LPCAT3: variants seen among roughly 807,000 people sequenced by gnomAD.
LPCAT3 encodes the protein lysophosphatidylcholine acyltransferase 3, also known as lysophospholipid acyltransferase 5.
Under a neutral mutation model 63.4 loss-of-function variants are expected in LPCAT3, and 21 were observed. That is an observed-to-expected ratio of 0.33 (90% CI 0.23 to 0.48). The LOEUF (loss-of-function observed/expected upper bound fraction) is 0.48. LPCAT3 is among the 20% of genes least tolerant of loss of function. The probability of loss-of-function intolerance (pLI) is 0.99; values close to 1 mark genes in which losing one functional copy is unlikely to be tolerated. For synonymous variants in LPCAT3, 242 were observed against 227.5 expected (o/e 1.06, Z -0.58); for missense variants, 451 against 590.6 (o/e 0.76, Z 2.45).
At position 6,987,779 on chromosome 12, in the gene LPCAT3, T is replaced by C. The variant is rs774506704; in HGVS notation, c.152-4240A>G. 6 of 400,686 alleles carry C rather than the reference T, an allele frequency of 1.5e-5. No homozygotes were observed. The highest frequency in any genetic ancestry group is 1.3e-4 in the Admixed American group (3 of 22,726). 24.8% of individuals were successfully genotyped at this position (400,686 alleles called of 1,614,324 possible). The stretch of plus-strand genomic sequence containing the variant: ...AAGTTGAATCTAATTTAACATTTTC[T>C]AGGTGTCTGGATCGTATCTATTCCA... On this transcript the variant is annotated intron_variant, in intron 1 of 12. Coordinates refer to ENST00000261407, the MANE Select transcript of LPCAT3 (RefSeq NM_005768.6). This position sits in a 1 kb window ranked among gnomAD's most constrained non-coding sequence, Gnocchi z 4.1.
intron 4 of LPCAT3, 74 bp from the exon 5 acceptor site, chr12:6,981,706 G>T: frequency 2.4e-6 from 3 of 1,261,004 alleles, no homozygotes; most frequent in Non-Finnish European, 3.4e-6. Context: ...ACTGAGTGCA[G>T]CCAGAAGTGT....
At chr12:7,006,462 G>A (rs370376573) in intron 1 of LPCAT3, among the ~76,000 whole-genome samples, 11 of 152,154 alleles carry the variant, frequency 7.2e-5, no homozygotes, top group East Asian at 1.9e-4. Flanking sequence ...CAAATGATCC[G>A]CCCACCTTGG....
chr12:6,978,903 G>C, intron 7 of LPCAT3: 1 of 620,476 alleles, frequency 1.6e-6, no homozygotes, highest in Admixed American at 3.2e-5. Flanking sequence ...CCCTTGGAGA[G>C]CCTCAAGGGC....
At chr12:7,001,270 G>T (rs949823257) in intron 1 of LPCAT3, among the ~76,000 whole-genome samples, 3 of 151,954 alleles carry the variant, frequency 2.0e-5, no homozygotes, top group Middle Eastern at 3.2e-3. Flanking sequence ...AGCTAGCAAC[G>T]TGCTCACATG....
intron 1 of LPCAT3, among the ~76,000 whole-genome samples, chr12:6,996,036 A>G (rs1167244587): frequency 6.6e-6 from 1 of 152,160 alleles, no homozygotes; most frequent in Non-Finnish European, 1.5e-5. Context: ...TCCTCTGCTC[A>G]AAGCCCTCTC....
At position 6,977,212 on chromosome 12, in the gene LPCAT3, T is replaced by C. The variant is rs781860896; in HGVS notation, c.1398A>G (p.Leu466=). 1 of 1,614,038 alleles carries C rather than the reference T, an allele frequency of 6.2e-7. No homozygotes were observed. The highest frequency in any genetic ancestry group is 1.1e-5 in the South Asian group (1 of 91,082). The part of the protein sequence containing the change: ...FLGHIFFLSL[L]FILPYIHKAM... ...CTTTGTGAATATAAGGCAATATGAA[T>C]AGTAGGCTCAGGAAGAAGATGTGGC... The change falls in exon 12 of 13, where the codon CTA becomes CTG. Residue 466 remains leucine (L), a synonymous_variant. Transcript: ENST00000261407. The surrounding 1 kb of genome is among the most constrained non-coding windows in gnomAD (Gnocchi z 4.5).
chr12:6,994,791 T>C (rs1946622994), intron 1 of LPCAT3, among the ~76,000 whole-genome samples: 1 of 152,218 alleles, frequency 6.6e-6, no homozygotes, highest in African/African-American at 2.4e-5. Context: ...ACTTCTGGCA[T>C]GGGTTGGCTG....
intron 1 of LPCAT3, among the ~76,000 whole-genome samples, chr12:6,996,077 C>A (rs1946633586): frequency 6.6e-6 from 1 of 152,180 alleles, no homozygotes; most frequent in South Asian, 2.1e-4. Flanking sequence ...GATCAAAAGG[C>A]TGATTGCCAG....
intron 1 of LPCAT3, among the ~76,000 whole-genome samples, chr12:6,985,210 T>C (rs1363933074): frequency 2.0e-5 from 3 of 146,774 alleles, no homozygotes; most frequent in African/African-American, 7.7e-5. Flanking sequence ...GCTAACACGG[T>C]GAAACCCCGT....
intron 1 of LPCAT3, chr12:7,001,417 T>C: frequency 2.2e-6 from 1 of 456,044 alleles, no homozygotes. Context: ...CCAACAAAAT[T>C]AGGCACATGC....
At chr12:6,996,509 A>T (rs1263473597) in intron 1 of LPCAT3, among the ~76,000 whole-genome samples, 3 of 152,202 alleles carry the variant, frequency 2.0e-5, no homozygotes, top group Non-Finnish European at 4.4e-5. Flanking sequence ...CATCTACTTT[A>T]GTCCCTACCG....
intron 1 of LPCAT3, among the ~76,000 whole-genome samples, chr12:6,998,022 T>G (rs1230447961): frequency 6.6e-6 from 1 of 152,042 alleles, no homozygotes; most frequent in East Asian, 1.9e-4. Flanking sequence ...CCCTAGTCAG[T>G]GTGTGTGTTT....
rs1413997954 is a variant in LPCAT3 at position 6,983,517 on chromosome 12, A to G, written c.174T>C (p.Tyr58=). 2 of 1,611,454 alleles carry G rather than the reference A, an allele frequency of 1.2e-6. No homozygotes were observed. Among genetic ancestry groups the G allele is most frequent in the African/African-American group, 1.3e-5 (1 of 74,878 alleles). ...TCTCCTTGTAGAAAAGGTAATGCCGATAAAACAAAGCAAAGGGGTAACCTA... is the reference window on the plus strand; with the variant it reads ...TCTCCTTGTAGAAAAGGTAATGCCGGTAAAACAAAGCAAAGGGGTAACCTA... ...IFLGYPFALF[Y]RHYLFYKETY... is the part of the protein sequence containing the mutation. The change falls in exon 2 of 13, where the codon TAT becomes TAC. Residue 58 remains tyrosine, a synonymous_variant. Coordinates refer to ENST00000261407, the MANE Select transcript of LPCAT3 (RefSeq NM_005768.6).
intron 1 of LPCAT3, chr12:6,988,345 G>A (rs75971893): frequency 0.023 from 3,529 of 152,402 alleles, 43 homozygotes; most frequent in Middle Eastern, 0.095. Flanking sequence ...GCAAGCCGCC[G>A]TGGAGAAGGA....
At chr12:6,986,611 C>T (rs1035281162) in intron 1 of LPCAT3, among the ~76,000 whole-genome samples, 6 of 151,602 alleles carry the variant, frequency 4.0e-5, no homozygotes, top group Admixed American at 6.6e-5. Context: ...GGTGAAATTC[C>T]GTCTCTACTA....
rs186312041 is a variant in LPCAT3, at chr12:7,007,639, C to T, written c.151+10635G>A. ...CCTCCCGAGTAGCTGGGATTACAGG[C>T]GTGCACCACCGTGCCCGGCTAATTT... On this transcript the variant is annotated intron_variant, in intron 1 of 12. Coordinates refer to ENST00000261407, the MANE Select transcript of LPCAT3 (RefSeq NM_005768.6). Among the ~76,000 whole-genome samples the T allele has an allele frequency of 2.8e-4, 43 of 151,664 alleles. 1 individual carries two copies. The East Asian group carries it at 7.2e-3, about 26-fold the overall frequency.
At chr12:6,991,083 T>C (rs1172350644) in intron 1 of LPCAT3, among the ~76,000 whole-genome samples, 2 of 152,148 alleles carry the variant, frequency 1.3e-5, no homozygotes, top group Admixed American at 1.3e-4. Context: ...AATAAAGCCA[T>C]CTAATGAGAA....
At chr12:6,983,095 T>A in intron 2 of LPCAT3, 1 of 515,778 alleles carries the variant, frequency 1.9e-6, no homozygotes, top group Non-Finnish European at 3.6e-6. Flanking sequence ...CCCAGCTTGT[T>A]ACTGTATTTT....
Position 7,018,247 on chromosome 12 carries a change from G to A in LPCAT3, c.151+27C>T, listed in dbSNP as rs782667908. The A allele has an allele frequency of 3.2e-6, 5 of 1,577,828 alleles. No homozygotes were observed. The highest frequency in any genetic ancestry group is 4.3e-6 in the Non-Finnish European group (5 of 1,161,606). On this transcript the variant is annotated intron_variant, in intron 1 of 12. Transcript: ENST00000261407. The surrounding 1 kb of genome is among the most constrained non-coding windows in gnomAD (Gnocchi z 4.9). Reference sequence around the variant, plus strand: ...CCTACTCCCCGGGGACTCCGCGAGGGGCGGAGGGAGGCAGGAGGGTCCTTA... The same window carrying A: ...CCTACTCCCCGGGGACTCCGCGAGGAGCGGAGGGAGGCAGGAGGGTCCTTA...
Sources: allele counts gnomAD v4.1 joint callset (sites outside exome capture counted in the v4.1 genomes callset), GRCh38; gene constraint gnomAD v4.1.1; non-coding constraint Gnocchi (gnomAD v3.1); transcripts MANE v1.5; gene names NCBI Gene and HGNC (gene_info 2026-07-23, HGNC 2026-07-21).